SH2D6: variants seen among roughly 807,000 people sequenced by gnomAD.
SH2D6 encodes the protein SH2 domain containing 6.
Under a neutral mutation model 30.2 loss-of-function variants are expected in SH2D6, and 31 were observed. That is an observed-to-expected ratio of 1.03 (90% CI 0.77 to 1.38). The LOEUF is 1.38. Ranked by LOEUF, SH2D6 falls within the 40% of genes most tolerant of loss-of-function variation. The pLI is 0.00. For missense variants in SH2D6, 240 were observed against 266.8 expected, an observed-to-expected ratio of 0.90 and a Z score of 0.70; for synonymous variants, 93 against 104.6, an observed-to-expected ratio of 0.89 and a Z score of 0.68.
chr2:85,431,000 C>G lies in SH2D6; in HGVS notation c.251-210C>G, dbSNP rs1688553362. Among the ~76,000 whole-genome samples, 2 of 151,022 alleles carry G rather than the reference C, an allele frequency of 1.3e-5. No individual in the cohort carries two copies. Among genetic ancestry groups the G allele is most frequent in the African/African-American group, 4.8e-5 (2 of 41,420 alleles). ...GGAGAGCCCCGGCTGCCGCTGGCAT[C>G]CCACCCCCACTGCTCAGCTCCTCGG... On this transcript the variant is annotated intron_variant, in intron 12 of 23. Transcript: ENST00000469800. The surrounding 1 kb of genome is among the most constrained non-coding windows in gnomAD (Gnocchi z 4.3).
intron 2 of SH2D6, chr2:85,420,986 G>C: frequency 6.6e-6 from 1 of 152,470 alleles, no homozygotes; most frequent in East Asian, 1.9e-4. Flanking sequence ...AAGGGAGGGA[G>C]GGTGATCTCA....
rs1203931483 is a variant in SH2D6 at position 85,436,977 on chromosome 2, G to A, written c.*153G>A. 1 of 200,558 alleles carries A rather than the reference G, an allele frequency of 5.0e-6. No homozygotes were observed. Among genetic ancestry groups the A allele is most frequent in the Non-Finnish European group, 1.0e-5 (1 of 97,776 alleles). 12.4% of individuals were successfully genotyped at this position (200,558 alleles called of 1,614,324 possible). On this transcript the variant is annotated 3_prime_UTR_variant, in exon 24 of 24. Coordinates refer to ENST00000469800, the MANE Select transcript of SH2D6 (RefSeq NM_001394463.1). ...CTTGTGGGCCTAGGGCACCCTGAGA[G>A]GGACTGGCCTACCTTGCACAAGTTC...
In SH2D6 at chr2:85,433,136, C is replaced by T; in HGVS notation, c.393+15C>T. 1.0e-6 allele frequency: 1 copy of T among 985,822 alleles called. No individual in the cohort carries two copies. Among genetic ancestry groups the T allele is most frequent in the Non-Finnish European group, 1.2e-6 (1 of 829,854 alleles). The allele number at this position is 985,822 out of a possible 1,614,324, so 61.1% of individuals were successfully genotyped here. On this transcript the variant is annotated intron_variant, in intron 15 of 23. Transcript: ENST00000469800. The stretch of plus-strand genomic sequence containing the variant: ...CGTCCAGAGTGGTGAGCAGCCCCTC[C>T]ATTTCCACCTCAGTTTCCAGGCTTC...
chr2:85,434,889 G>A lies in SH2D6; in HGVS notation c.590-176G>A. The A allele has an allele frequency of 3.2e-6, 5 of 1,571,540 alleles. No individual in the cohort carries two copies. In the South Asian group the frequency reaches 4.7e-5, roughly 15 times the overall value. On this transcript the variant is annotated intron_variant, in intron 19 of 23. Coordinates refer to ENST00000469800, the MANE Select transcript of SH2D6 (RefSeq NM_001394463.1). Reference sequence around the variant, plus strand: ...AGGTCACACGAGGCCTGGCTGGTGGGTCCTGCCAGGGCACTGGATCTGGAG... The same window carrying A: ...AGGTCACACGAGGCCTGGCTGGTGGATCCTGCCAGGGCACTGGATCTGGAG...
At chr2:85,433,326 ACT>A (rs949099910) in intron 15 of SH2D6, among the ~76,000 whole-genome samples, 1 of 151,974 alleles carries the variant, frequency 6.6e-6, no homozygotes, top group African/African-American at 2.4e-5. Flanking sequence ...TCCTCCTCAC[ACT>A]CTCTGAGAGC....
chr2:85,435,346 G>A, intron 20 of SH2D6, 67 bp from the exon 21 acceptor site: 1 of 1,535,312 alleles, frequency 6.5e-7, no homozygotes, highest in African/African-American at 1.4e-5. Context: ...CTGCACCCTG[G>A]GTCCTCGGCT....
intron 6 of SH2D6, among the ~76,000 whole-genome samples, chr2:85,428,034 C>T (rs752098410): frequency 6.6e-6 from 1 of 152,178 alleles, no homozygotes; most frequent in Non-Finnish European, 1.5e-5. Context: ...TAGAAGTTCT[C>T]ATGTCATCAT....
chr2:85,427,958 G>A (rs7563044), intron 6 of SH2D6, among the ~76,000 whole-genome samples: 145,823 of 152,094 alleles, frequency 0.96, 69,964 homozygotes, highest in East Asian at 1. Flanking sequence ...CGTGGGCTTT[G>A]TTTCTCCTTT....
chr2:85,434,158 CAGAG>C (rs1558763921), intron 17 of SH2D6, 47 bp downstream of exon 17: 3 of 1,540,746 alleles, frequency 1.9e-6, no homozygotes, highest in Non-Finnish European at 2.6e-6. Context: ...ATGTGAGACA[CAGAG>C]AGAGACAGCA....
intron 1 of SH2D6, 31 bp downstream of exon 1, chr2:85,418,961 TG>T (rs1439014102): frequency 6.6e-6 from 1 of 151,906 alleles, no homozygotes. Context: ...AGATGGTGGG[TG>T]GGGGGTTGGG....
At chr2:85,423,896 C>T (rs752903381) in intron 5 of SH2D6, among the ~76,000 whole-genome samples, 3 of 152,240 alleles carry the variant, frequency 2.0e-5, no homozygotes, top group East Asian at 1.9e-4. Context: ...CACAGAGTTC[C>T]GTTGGCTGTA....
intron 6 of SH2D6, 42 bp from the exon 7 acceptor site, chr2:85,428,542 T>G (rs1688257868): frequency 6.6e-6 from 1 of 152,008 alleles, no homozygotes; most frequent in Admixed American, 6.6e-5. Context: ...GTGGGTGTCT[T>G]CATAAGAAGA....
chr2:85,435,199 C>T, intron 20 of SH2D6, 76 bp downstream of exon 20: 1 of 1,489,200 alleles, frequency 6.7e-7, no homozygotes, highest in African/African-American at 1.4e-5. Context: ...CAGGAACCCT[C>T]TTGGGCTGAA....
intron 6 of SH2D6, among the ~76,000 whole-genome samples, chr2:85,427,796 CAAA>C (rs1688184480): frequency 6.6e-6 from 1 of 152,124 alleles, no homozygotes; most frequent in South Asian, 2.1e-4. Flanking sequence ...CCCTTTGTAC[CAAA>C]TGGGCTCCCT....
In SH2D6 at chr2:85,430,838, C is replaced by A. The variant is rs138834402; in HGVS notation, c.250+186C>A. Among the ~76,000 whole-genome samples, 1 of 53,942 alleles carries A rather than the reference C, an allele frequency of 1.9e-5. No individual in the cohort carries two copies. Among genetic ancestry groups the A allele is most frequent in the Non-Finnish European group, 3.4e-5 (1 of 29,754 alleles). 35.4% of individuals were successfully genotyped at this position (53,942 alleles called of 152,430 possible). ...AGGGAGAGAGAGAGGGATGAAGGAACGGAGGGAGGGAGGGTGGGAGGGAGG... is the reference window on the plus strand; with the variant it reads ...AGGGAGAGAGAGAGGGATGAAGGAAAGGAGGGAGGGAGGGTGGGAGGGAGG... On this transcript the variant is annotated intron_variant, in intron 12 of 23. Coordinates refer to ENST00000469800, the MANE Select transcript of SH2D6 (RefSeq NM_001394463.1). This position sits in a 1 kb window ranked among gnomAD's most constrained non-coding sequence, Gnocchi z 4.3.
chr2:85,435,150 A>G, intron 20 of SH2D6, 27 bp downstream of exon 20: 1 of 1,603,964 alleles, frequency 6.2e-7, no homozygotes, highest in South Asian at 1.1e-5. Flanking sequence ...AGCAGGCTGT[A>G]GGGAGAGGTT....
intron 8 of SH2D6, 49 bp from the exon 9 acceptor site, chr2:85,429,538 C>T (rs116727976): frequency 0.061 from 9,240 of 152,712 alleles, 387 homozygotes; most frequent in Middle Eastern, 0.085. Flanking sequence ...GACTCGGCCA[C>T]GGGGGTGGTT....
chr2:85,435,341 C>A, intron 20 of SH2D6, 72 bp from the exon 21 acceptor site: 1 of 1,520,022 alleles, frequency 6.6e-7, no homozygotes. Flanking sequence ...AATAACTGCA[C>A]CCTGGGTCCT....
intron 17 of SH2D6, 96 bp from the exon 18 acceptor site, chr2:85,434,244 T>TGGTGGCAGGGGCAGC (rs1446824716): frequency 4.3e-5 from 65 of 1,511,822 alleles, no homozygotes; most frequent in Non-Finnish European, 5.7e-5. Context: ...TTGTTGGCAG[T>TGGTGGCAGGGGCAGC]GGTGGCAGGG....
Sources: allele counts gnomAD v4.1 joint callset (sites outside exome capture counted in the v4.1 genomes callset), GRCh38; gene constraint gnomAD v4.1.1; non-coding constraint Gnocchi (gnomAD v3.1); transcripts MANE v1.5; gene names NCBI Gene and HGNC (gene_info 2026-07-23, HGNC 2026-07-21).